Variants in MARCHF4 observed in about 807,000 individuals in gnomAD.
MARCHF4 encodes membrane associated ring-CH-type finger 4, also known as E3 ubiquitin-protein ligase MARCHF4.
MARCHF4 carries 14 observed loss-of-function variants against 43.9 expected under a neutral mutation model. That is an observed-to-expected ratio of 0.32 (90% CI 0.21 to 0.50). The LOEUF (loss-of-function observed/expected upper bound fraction) is 0.50. MARCHF4 is among the 20% of genes least tolerant of loss of function. The probability of loss-of-function intolerance (pLI) is 0.98; values close to 1 mark genes in which losing one functional copy is unlikely to be tolerated. For missense variants in MARCHF4, 468 were observed against 536.7 expected (o/e 0.87, Z 1.27); for synonymous variants, 226 against 213.3 (o/e 1.06, Z -0.52).
In MARCHF4 at chr2:216,370,146, TGAG is replaced by T. The variant is rs902007127; in HGVS notation, c.112_114del (p.Leu38del). 6.2e-7 allele frequency: 1 copy of T among 1,609,140 alleles called. No individual in the cohort carries two copies. The highest frequency in any genetic ancestry group is 8.5e-7 in the Non-Finnish European group (1 of 1,178,144). ...TTGAAGAGCATGCGGCAGCGGCACT[TGAG>T]GAGACCCTGGTGGCGCAACATCTGG... On this transcript the variant is annotated inframe_deletion, in exon 1 of 4. Coordinates refer to ENST00000273067, the MANE Select transcript of MARCHF4 (RefSeq NM_020814.3).
rs533047305 is a variant in MARCHF4, at chr2:216,296,900, G to A, written c.517-13171C>T. On this transcript the variant is annotated intron_variant, in intron 1 of 3. Transcript: ENST00000273067. ...AAAATTGAAGACCAAACCCTACTCT[G>A]GGCTCAGAGCACCAAAGGGTGGGTC... 1.6e-3 allele frequency among the ~76,000 whole-genome samples: 241 copies of A among 152,252 alleles called. 2 individuals carry two copies. The highest frequency in any genetic ancestry group is 6.8e-3 in the Middle Eastern group (2 of 294).
At chr2:216,367,403 A>G (rs974354900) in intron 1 of MARCHF4, among the ~76,000 whole-genome samples, 2 of 149,762 alleles carry the variant, frequency 1.3e-5, no homozygotes, top group Non-Finnish European at 3.0e-5. Context: ...CCTTTTCTAG[A>G]GTTTCCCTTA....
chr2:216,286,422 C>T (rs1478856690), intron 1 of MARCHF4, among the ~76,000 whole-genome samples: 3 of 151,764 alleles, frequency 2.0e-5, no homozygotes, highest in Non-Finnish European at 2.9e-5. Flanking sequence ...TCCTAAAACG[C>T]CAGCTACTCG....
intron 1 of MARCHF4, among the ~76,000 whole-genome samples, chr2:216,284,467 G>A (rs1369294807): frequency 6.6e-6 from 1 of 152,070 alleles, no homozygotes; most frequent in Non-Finnish European, 1.5e-5. Context: ...TGTGTTTTTT[G>A]TTTGTTTGTT....
chr2:216,315,504 A>T (rs923072632), intron 1 of MARCHF4, among the ~76,000 whole-genome samples: 4 of 152,240 alleles, frequency 2.6e-5, no homozygotes, highest in African/African-American at 9.6e-5. Flanking sequence ...ATTATGATTT[A>T]AAATCAGAGA....
chr2:216,292,718 C>T (rs1175430061), intron 1 of MARCHF4, among the ~76,000 whole-genome samples: 2 of 152,074 alleles, frequency 1.3e-5, no homozygotes, highest in South Asian at 2.1e-4. Context: ...GTCTGTGATC[C>T]GGGTTGGTGG....
chr2:216,294,860 G>A (rs1691363992), intron 1 of MARCHF4, among the ~76,000 whole-genome samples: 2 of 152,176 alleles, frequency 1.3e-5, no homozygotes, highest in Admixed American at 1.3e-4. Flanking sequence ...GCACTTATCA[G>A]GTGCCCAACC....
At chr2:216,273,213 A>C (rs796824067) in intron 3 of MARCHF4, among the ~76,000 whole-genome samples, 5 of 152,344 alleles carry the variant, frequency 3.3e-5, no homozygotes, top group African/African-American at 1.2e-4. Context: ...AAAGGTAAAT[A>C]CATTGTTAAC....
At position 216,370,376 on chromosome 2, in the gene MARCHF4, A is replaced by G; in HGVS notation, c.-116T>C. ...TGTTGTGGGGGGAGTCTGCTTTCTCACTGGCTTTTCTTACAACCCCTCCAA... is the reference window on the plus strand; with the variant it reads ...TGTTGTGGGGGGAGTCTGCTTTCTCGCTGGCTTTTCTTACAACCCCTCCAA... On this transcript the variant is annotated 5_prime_UTR_variant, in exon 1 of 4. Transcript: ENST00000273067. 1 of 777,036 alleles carries G rather than the reference A, an allele frequency of 1.3e-6. No homozygotes were observed. The highest frequency in any genetic ancestry group is 2.0e-6 in the Non-Finnish European group (1 of 510,020). 48.1% of individuals were successfully genotyped at this position (777,036 alleles called of 1,614,324 possible).
intron 1 of MARCHF4, among the ~76,000 whole-genome samples, chr2:216,318,577 G>C (rs1029025590): frequency 2.6e-5 from 4 of 152,214 alleles, no homozygotes; most frequent in African/African-American, 9.7e-5. Flanking sequence ...AAGTGAGGGA[G>C]TGAACTGTGT....
chr2:216,275,846 G>A (rs1691010869), intron 3 of MARCHF4, among the ~76,000 whole-genome samples: 1 of 152,200 alleles, frequency 6.6e-6, no homozygotes, highest in Non-Finnish European at 1.5e-5. Flanking sequence ...GTTTTGAGAT[G>A]CATTGCAAGT....
chr2:216,282,367 G>C (rs1574462849), intron 2 of MARCHF4, among the ~76,000 whole-genome samples: 1 of 151,938 alleles, frequency 6.6e-6, no homozygotes, highest in East Asian at 1.9e-4. Flanking sequence ...AAAACACCCT[G>C]GACACCATAG....
chr2:216,356,711 AT>A (rs1692508388), intron 1 of MARCHF4, among the ~76,000 whole-genome samples: 1 of 152,182 alleles, frequency 6.6e-6, no homozygotes, highest in African/African-American at 2.4e-5. Flanking sequence ...TTGAAATAAC[AT>A]TAAACTTATT....
intron 1 of MARCHF4, among the ~76,000 whole-genome samples, chr2:216,311,256 T>G (rs1007542154): frequency 1.3e-5 from 2 of 152,128 alleles, no homozygotes; most frequent in African/African-American, 2.4e-5. Context: ...TCTTTTTTTT[T>G]GGGTGGGGGG....
intron 3 of MARCHF4, among the ~76,000 whole-genome samples, chr2:216,273,464 C>T (rs1332740861): frequency 6.6e-6 from 1 of 152,164 alleles, no homozygotes; most frequent in Non-Finnish European, 1.5e-5. Context: ...TGAATTGCTC[C>T]ACCCATCCGA....
At chr2:216,268,198 G>A (rs1053912345) in intron 3 of MARCHF4, among the ~76,000 whole-genome samples, 11 of 152,174 alleles carry the variant, frequency 7.2e-5, no homozygotes. Flanking sequence ...AAAATCCTGG[G>A]ATGTCAGACC....
chr2:216,353,609 G>T (rs763985568), intron 1 of MARCHF4, among the ~76,000 whole-genome samples: 1 of 152,038 alleles, frequency 6.6e-6, no homozygotes, highest in African/African-American at 2.4e-5. Flanking sequence ...GTGCAGTGGC[G>T]TGATCTCAGC....
At chr2:216,282,327 C>T (rs960501704) in intron 2 of MARCHF4, among the ~76,000 whole-genome samples, 1 of 151,996 alleles carries the variant, frequency 6.6e-6, no homozygotes, top group Non-Finnish European at 1.5e-5. Context: ...CCTGGGATTG[C>T]CCCATGTAAA....
intron 1 of MARCHF4, among the ~76,000 whole-genome samples, chr2:216,347,726 C>T (rs1039057027): frequency 7.3e-6 from 1 of 136,624 alleles, no homozygotes; most frequent in African/African-American, 2.7e-5. Flanking sequence ...GACTCCGTCT[C>T]AAAAAAAAAG....
Sources: gnomAD v4.1 joint callset for allele counts (sites outside exome capture counted in the v4.1 genomes callset) on GRCh38, gnomAD v4.1.1 for gene constraint, MANE v1.5 for transcripts, NCBI Gene and HGNC (gene_info 2026-07-23, HGNC 2026-07-21) for gene names.